CREB5: variants seen among roughly 807,000 people sequenced by gnomAD.
The protein encoded by CREB5 is cyclic AMP-responsive element-binding protein 5.
In CREB5, 19 loss-of-function variants were observed where a neutral mutation model predicts 57.1. The observed-to-expected ratio is 0.33, with a 90% CI of 0.23 to 0.49. The LOEUF is 0.49. Ranked by LOEUF, CREB5 falls within the 20% of genes least tolerant of loss-of-function variation. CREB5 has a pLI of 0.99. For missense variants in CREB5, 579 were observed against 671.6 expected (o/e 0.86, Z 1.52); for synonymous variants, 238 against 238.3 (o/e 1.00, Z 0.01).
intron 1 of CREB5, among the ~76,000 whole-genome samples, chr7:28,459,292 A>G (rs1372511825): frequency 2.0e-5 from 3 of 152,170 alleles, no homozygotes; most frequent in Non-Finnish European, 1.5e-5. Context: ...TTTCTGTTTA[A>G]TCAGTCAGAA....
At chr7:28,318,590 C>T (rs764309717) in intron 1 of CREB5, among the ~76,000 whole-genome samples, 1 of 152,206 alleles carries the variant, frequency 6.6e-6, no homozygotes, top group East Asian at 1.9e-4. Flanking sequence ...TACAATGCCT[C>T]ACTCTCAGGG....
chr7:28,784,307 T>C (rs1807177876), intron 7 of CREB5, among the ~76,000 whole-genome samples: 1 of 151,582 alleles, frequency 6.6e-6, no homozygotes, highest in Non-Finnish European at 1.5e-5. Context: ...CCAGCCCTGA[T>C]AAATAAGCCA....
chr7:28,360,116 T>C (rs1786444327), intron 1 of CREB5, among the ~76,000 whole-genome samples: 1 of 152,164 alleles, frequency 6.6e-6, no homozygotes, highest in South Asian at 2.1e-4. Context: ...TTGTGCACTG[T>C]TGGTGGGAAT....
In CREB5 at chr7:28,512,138, G is replaced by A. The variant is rs140869654; in HGVS notation, c.291+4401G>A. Among the ~76,000 whole-genome samples, 28 of 152,284 alleles carry A rather than the reference G, an allele frequency of 1.8e-4. No homozygotes were observed. The East Asian group carries it at 4.0e-3, about 22-fold the overall frequency. On this transcript the variant is annotated intron_variant, in intron 4 of 10. Transcript: ENST00000357727. ...AGTGGGTTTAAGGGGAAAATTGGGG[G>A]TTTCTTTTTAGATTTGCTAAGTGGA...
chr7:28,616,717 A>C (rs927898841), intron 5 of CREB5, among the ~76,000 whole-genome samples: 4 of 152,178 alleles, frequency 2.6e-5, no homozygotes, highest in Non-Finnish European at 4.4e-5. Context: ...CTACAGCCTT[A>C]AAAAATTGTG....
intron 5 of CREB5, among the ~76,000 whole-genome samples, chr7:28,640,122 T>G (rs1216363507): frequency 2.6e-5 from 4 of 152,092 alleles, no homozygotes; most frequent in Non-Finnish European, 4.4e-5. Context: ...CTCTCCCTTC[T>G]CAGATACTCT....
intron 4 of CREB5, among the ~76,000 whole-genome samples, chr7:28,510,474 CTA>C (rs1260249416): frequency 1.3e-5 from 2 of 152,154 alleles, no homozygotes; most frequent in African/African-American, 4.8e-5. Flanking sequence ...CTTGAACTTT[CTA>C]TGTGTCTTAC....
intron 1 of CREB5, among the ~76,000 whole-genome samples, chr7:28,438,660 A>G (rs1789058142): frequency 6.6e-6 from 1 of 152,156 alleles, no homozygotes; most frequent in South Asian, 2.1e-4. Context: ...GAATAACTAA[A>G]TGTTTACATA....
At chr7:28,640,364 A>T (rs1309585347) in intron 5 of CREB5, among the ~76,000 whole-genome samples, 1 of 152,234 alleles carries the variant, frequency 6.6e-6, no homozygotes, top group Non-Finnish European at 1.5e-5. Flanking sequence ...TGCCCAAAAC[A>T]CTATGATATT....
intron 4 of CREB5, among the ~76,000 whole-genome samples, chr7:28,510,488 C>CAA (rs1056351640): frequency 1.5e-4 from 23 of 152,268 alleles, no homozygotes; most frequent in African/African-American, 5.3e-4. Flanking sequence ...GTGTCTTACA[C>CAA]AAAAAATATT....
chr7:28,789,213 A>C (rs1807517825), intron 7 of CREB5, among the ~76,000 whole-genome samples: 1 of 152,178 alleles, frequency 6.6e-6, no homozygotes, highest in South Asian at 2.1e-4. Flanking sequence ...TTGTTGTTTT[A>C]TAGGTATTAT....
intron 7 of CREB5, among the ~76,000 whole-genome samples, chr7:28,776,023 T>A (rs1269272175): frequency 6.6e-6 from 1 of 152,044 alleles, no homozygotes; most frequent in African/African-American, 2.4e-5. Context: ...AAGTTAGAAT[T>A]TGTGGTGAGC....
At chr7:28,343,479 C>T (rs183427116) in intron 1 of CREB5, among the ~76,000 whole-genome samples, 24 of 152,266 alleles carry the variant, frequency 1.6e-4, no homozygotes, top group Admixed American at 8.5e-4. Flanking sequence ...GCTTATTTCA[C>T]TTAACACAGT....
At chr7:28,540,632 A>T (rs768020622) in intron 4 of CREB5, among the ~76,000 whole-genome samples, 3 of 152,174 alleles carry the variant, frequency 2.0e-5, no homozygotes, top group Non-Finnish European at 4.4e-5. Context: ...CTCTCATGTC[A>T]CAAAATTCTG....
At position 28,736,160 on chromosome 7, in the gene CREB5, TTTTG is replaced by T. The variant is rs1017199912; in HGVS notation, c.702+11840_702+11843del. Among the ~76,000 whole-genome samples, 17 of 152,008 alleles carry T rather than the reference TTTTG, an allele frequency of 1.1e-4. 1 individual carries two copies. Among genetic ancestry groups the T allele is most frequent in the Admixed American group, 7.9e-4 (12 of 15,268 alleles). On this transcript the variant is annotated intron_variant, in intron 7 of 10. Coordinates refer to ENST00000357727, the MANE Select transcript of CREB5 (RefSeq NM_182898.4). ...ACTACACACAAAGCACTATATGGTT[TTTTG>T]TTTGTTTGTTTTGTTTTGTTTTGAG...
chr7:28,620,684 A>C (rs1213899139), intron 5 of CREB5, among the ~76,000 whole-genome samples: 1 of 152,128 alleles, frequency 6.6e-6, no homozygotes, highest in East Asian at 1.9e-4. Context: ...CCTCTCATTG[A>C]CATCCAGAGC....
intron 4 of CREB5, among the ~76,000 whole-genome samples, chr7:28,565,894 C>T (rs1166418448): frequency 6.6e-6 from 1 of 152,146 alleles, no homozygotes; most frequent in Non-Finnish European, 1.5e-5. Flanking sequence ...GTACTCCAGC[C>T]TGGGTGACAG....
chr7:28,616,931 A>T (rs1797617044), intron 5 of CREB5, among the ~76,000 whole-genome samples: 1 of 152,210 alleles, frequency 6.6e-6, no homozygotes, highest in Non-Finnish European at 1.5e-5. Flanking sequence ...GTACTATCTA[A>T]GTCCCTATAA....
chr7:28,777,427 T>C (rs572989644), intron 7 of CREB5, among the ~76,000 whole-genome samples: 1 of 152,348 alleles, frequency 6.6e-6, no homozygotes, highest in South Asian at 2.1e-4. Flanking sequence ...CCATCCCATG[T>C]TTATTTTATC....
Sources: allele counts gnomAD v4.1 joint callset (sites outside exome capture counted in the v4.1 genomes callset), GRCh38; gene constraint gnomAD v4.1.1; transcripts MANE v1.5; gene names NCBI Gene and HGNC (gene_info 2026-07-23, HGNC 2026-07-21).